The following BTNL9 variants were observed in gnomAD, a reference collection of about 807,000 sequenced individuals.
BTNL9 encodes butyrophilin like 9, also known as butyrophilin-like protein 9.
Under a neutral mutation model 45.8 loss-of-function variants are expected in BTNL9, and 45 were observed. The observed-to-expected ratio is 0.98, with a 90% CI of 0.77 to 1.26. BTNL9 has a LOEUF of 1.26. BTNL9 is among the 50% of genes most tolerant of loss of function. The pLI is 0.00. For missense variants in BTNL9, 784 were observed against 729.7 expected (o/e 1.07, Z -0.86); for synonymous variants, 346 against 330.8 (o/e 1.05, Z -0.50).
intron 10 of BTNL9, among the ~76,000 whole-genome samples, chr5:181,058,858 C>T (rs574175198): frequency 6.6e-6 from 1 of 151,834 alleles, no homozygotes; most frequent in Non-Finnish European, 1.5e-5. Flanking sequence ...AAATGACGCT[C>T]AGCGCTCTCC....
intron 6 of BTNL9, 181 bp from the exon 7 acceptor site, chr5:181,054,058 A>G: frequency 6.5e-7 from 1 of 1,545,846 alleles, no homozygotes; most frequent in Non-Finnish European, 8.7e-7. Flanking sequence ...AAGGGTGCGC[A>G]CTTCCCCATC....
At chr5:181,047,817 C>T (rs1349310775) in intron 2 of BTNL9, 110 bp from the exon 3 acceptor site, 30 of 1,035,994 alleles carry the variant, frequency 2.9e-5, no homozygotes, top group Non-Finnish European at 3.9e-5. Context: ...AGTATCTCAC[C>T]TTTCTTGTTT....
In BTNL9 at chr5:181,058,530, G is replaced by A. The variant is rs774456030; in HGVS notation, c.982+152G>A. The stretch of plus-strand genomic sequence containing the variant: ...GACACACACGCACACTTGCAAACAC[G>A]CCACACGACACATATGCCTGCATGT... On this transcript the variant is annotated intron_variant, in intron 10 of 10. Coordinates refer to ENST00000327705, the MANE Select transcript of BTNL9 (RefSeq NM_152547.5). 4.4e-5 allele frequency: 45 copies of A among 1,011,752 alleles called. No homozygotes were observed. The East Asian group carries it at 6.5e-4, about 15-fold the overall frequency. 62.7% of individuals were successfully genotyped at this position (1,011,752 alleles called of 1,614,324 possible).
rs1013618109 is a variant in BTNL9, at chr5:181,040,283, C to A, written c.-173C>A. 1.3e-5 allele frequency: 2 copies of A among 152,160 alleles called. No homozygotes were observed. Among genetic ancestry groups the A allele is most frequent in the Admixed American group, 1.3e-4 (2 of 15,282 alleles). The allele number at this position is 152,160 out of a possible 1,614,324, so 9.4% of individuals were successfully genotyped here. On this transcript the variant is annotated 5_prime_UTR_variant, in exon 1 of 11. Transcript: ENST00000327705. Reference sequence around the variant, plus strand: ...GGATAAATAATTCTGTCACACGTGCCCTGGCCTCTGGAGCTCAGCTGCCAG... The same window carrying A: ...GGATAAATAATTCTGTCACACGTGCACTGGCCTCTGGAGCTCAGCTGCCAG...
intron 1 of BTNL9, among the ~76,000 whole-genome samples, chr5:181,044,629 A>G (rs1023789077): frequency 3.3e-5 from 5 of 152,192 alleles, no homozygotes; most frequent in Non-Finnish European, 5.9e-5. Context: ...AACTAAATGC[A>G]AGAGAAATAT....
At chr5:181,047,878 T>G in intron 2 of BTNL9, 49 bp from the exon 3 acceptor site, 1 of 1,524,716 alleles carries the variant, frequency 6.6e-7, no homozygotes. Context: ...ATAACTTTTT[T>G]AAAAATTGGA....
At chr5:181,047,806 G>C (rs1459678746) in intron 2 of BTNL9, 121 bp from the exon 3 acceptor site, 19 of 915,340 alleles carry the variant, frequency 2.1e-5, no homozygotes, top group Non-Finnish European at 3.1e-5. Context: ...TTGTCCTGTA[G>C]AGTATCTCAC....
At position 181,053,740 on chromosome 5, in the gene BTNL9, C is replaced by G; in HGVS notation, c.886+239C>G. On this transcript the variant is annotated intron_variant, in intron 6 of 10. Transcript: ENST00000327705. This position sits in a 1 kb window ranked among gnomAD's most constrained non-coding sequence, Gnocchi z 6.5. ...CTAGTGCACAGATGTCAGGGTTGACCGGCTGCTGTCGTTACGCCCTCGGAG... is the reference window on the plus strand; with the variant it reads ...CTAGTGCACAGATGTCAGGGTTGACGGGCTGCTGTCGTTACGCCCTCGGAG... The G allele has an allele frequency of 6.6e-7, 1 of 1,511,984 alleles. No homozygotes were observed. The highest frequency in any genetic ancestry group is 1.3e-5 in the South Asian group (1 of 78,434). The allele number at this position is 1,511,984 out of a possible 1,614,324, so 93.7% of individuals were successfully genotyped here.
Position 181,047,943 on chromosome 5 carries a change from C to A in BTNL9, c.126C>A (p.Gly42=). ...GEPSSEVKVL[G]PEYPILALVG... The stretch of plus-strand genomic sequence containing the variant: ...TCATCCTAGAGGTCAAGGTGCTAGG[C>A]CCTGAGTATCCCATCCTGGCCCTCG... The change falls in exon 3 of 11, where the codon GGC becomes GGA. Residue 42 remains glycine (G), a synonymous_variant. Transcript: ENST00000327705. 6.2e-7 allele frequency: 1 copy of A among 1,613,702 alleles called. No individual in the cohort carries two copies. The highest frequency in any genetic ancestry group is 8.5e-7 in the Non-Finnish European group (1 of 1,179,924).
In BTNL9 at chr5:181,040,390, A is replaced by G. The variant is rs1760716004; in HGVS notation, c.-66A>G. 6.6e-6 allele frequency: 1 copy of G among 152,204 alleles called. No homozygotes were observed. Among genetic ancestry groups the G allele is most frequent in the African/African-American group, 2.4e-5 (1 of 41,434 alleles). The allele number at this position is 152,204 out of a possible 1,614,324, so 9.4% of individuals were successfully genotyped here. A position where few individuals can be genotyped will look rare whatever the true frequency, so the allele number is the denominator to read the frequency against. On this transcript the variant is annotated 5_prime_UTR_variant, in exon 1 of 11. Coordinates refer to ENST00000327705, the MANE Select transcript of BTNL9 (RefSeq NM_152547.5). ...CCTTTGCAGAGGAGGTGAGCTCACC[A>G]GGACTCATCTGCCATTTCAGACCTT...
rs1156435194 is a variant in BTNL9 at position 181,059,952 on chromosome 5, G to A, written c.*90G>A. 5.0e-6 allele frequency: 6 copies of A among 1,204,750 alleles called. No individual in the cohort carries two copies. The African/African-American group carries it at 9.2e-5, about 19-fold the overall frequency. The allele number at this position is 1,204,750 out of a possible 1,614,324, so 74.6% of individuals were successfully genotyped here. On this transcript the variant is annotated 3_prime_UTR_variant, in exon 11 of 11. Coordinates refer to ENST00000327705, the MANE Select transcript of BTNL9 (RefSeq NM_152547.5). ...CTCCTGCTCCGTCTGAAGGGAGCAG[G>A]TGCACCAGCCAAAATGTCAGCGAGG...
In BTNL9 at chr5:181,050,365, A is replaced by C; in HGVS notation, c.732A>C (p.Ile244=). 6.2e-7 allele frequency: 1 copy of C among 1,613,904 alleles called. No individual in the cohort carries two copies. The part of the protein sequence containing the change: ...LSQKKELVVQ[I]ADVFVPGASA... ...AGAAGAAAGAGTTGGTGGTCCAGAT[A>C]GCAGGTCAGTGGCTGTTAGCTCACA... The change falls in exon 4 of 11, where the codon ATA becomes ATC. Residue 244 remains isoleucine, a synonymous_variant. Transcript: ENST00000327705. The surrounding 1 kb of genome is among the most constrained non-coding windows in gnomAD (Gnocchi z 4.9).
intron 9 of BTNL9, 21 bp from the exon 10 acceptor site, chr5:181,058,331 C>T (rs1016302723): frequency 6.2e-7 from 1 of 1,613,892 alleles, no homozygotes; most frequent in African/African-American, 1.3e-5. Context: ...AGCTTTTTTC[C>T]CCTTTTCTGT....
chr5:181,055,568 G>T lies in BTNL9; in HGVS notation c.928+115G>T. Reference sequence around the variant, plus strand: ...GTGGATCACGAGGTCAGGAGATCGAGACCAGCCTGGCTAACACAGTGAAAC... The same window carrying T: ...GTGGATCACGAGGTCAGGAGATCGATACCAGCCTGGCTAACACAGTGAAAC... On this transcript the variant is annotated intron_variant, in intron 8 of 10. Transcript: ENST00000327705. The surrounding 1 kb of genome is among the most constrained non-coding windows in gnomAD (Gnocchi z 4.4). 8.3e-7 allele frequency: 1 copy of T among 1,209,756 alleles called. No homozygotes were observed. The highest frequency in any genetic ancestry group is 1.2e-5 in the South Asian group (1 of 82,530). The allele number at this position is 1,209,756 out of a possible 1,614,324, so 74.9% of individuals were successfully genotyped here. A position where few individuals can be genotyped will look rare whatever the true frequency, so the allele number is the denominator to read the frequency against.
chr5:181,056,125 C>T lies in BTNL9; in HGVS notation c.955+110C>T, dbSNP rs1761872231. 3 of 1,239,250 alleles carry T rather than the reference C, an allele frequency of 2.4e-6. No individual in the cohort carries two copies. In the South Asian group the frequency reaches 3.6e-5, roughly 15 times the overall value. 76.8% of individuals were successfully genotyped at this position (1,239,250 alleles called of 1,614,324 possible). A position where few individuals can be genotyped will look rare whatever the true frequency, so the allele number is the denominator to read the frequency against. ...TCATTCTGGTTGCATTCCGTGGCCT[C>T]ACACAGCATGTGTTAATCTATGTCA... On this transcript the variant is annotated intron_variant, in intron 9 of 10. Coordinates refer to ENST00000327705, the MANE Select transcript of BTNL9 (RefSeq NM_152547.5).
At position 181,059,879 on chromosome 5, in the gene BTNL9, C is replaced by G; in HGVS notation, c.*17C>G. The stretch of plus-strand genomic sequence containing the variant: ...TGGTGGTGAGGCGCCCTCGTGGCCG[C>G]GGGACTGGCCCCGGGGGGCCCCCTG... On this transcript the variant is annotated 3_prime_UTR_variant, in exon 11 of 11. Transcript: ENST00000327705. 1 of 1,484,480 alleles carries G rather than the reference C, an allele frequency of 6.7e-7. No individual in the cohort carries two copies. The highest frequency in any genetic ancestry group is 8.9e-7 in the Non-Finnish European group (1 of 1,124,174). 92.0% of individuals were successfully genotyped at this position (1,484,480 alleles called of 1,614,324 possible).
Position 181,059,968 on chromosome 5 carries a change from G to C in BTNL9, c.*106G>C. 9.8e-7 allele frequency: 1 copy of C among 1,024,934 alleles called. No homozygotes were observed. The highest frequency in any genetic ancestry group is 1.4e-6 in the Non-Finnish European group (1 of 724,656). 63.5% of individuals were successfully genotyped at this position (1,024,934 alleles called of 1,614,324 possible). A position where few individuals can be genotyped will look rare whatever the true frequency, so the allele number is the denominator to read the frequency against. On this transcript the variant is annotated 3_prime_UTR_variant, in exon 11 of 11. Coordinates refer to ENST00000327705, the MANE Select transcript of BTNL9 (RefSeq NM_152547.5). The stretch of plus-strand genomic sequence containing the variant: ...AGGGAGCAGGTGCACCAGCCAAAAT[G>C]TCAGCGAGGGGGACAAAGAGAGGGA...
Position 181,058,345 on chromosome 5 carries a change from G to T in BTNL9, c.956-7G>T. On this transcript the variant is annotated splice_region_variant and splice_polypyrimidine_tract_variant and intron_variant, in intron 9 of 10. Transcript: ENST00000327705. ...GAGCTTTTTTCCCCTTTTCTGTTTG[G>T]TTTCAGAGTGGAGAGCAGCCCAAAA... The T allele has an allele frequency of 1.2e-6, 2 of 1,614,116 alleles. No individual in the cohort carries two copies. The highest frequency in any genetic ancestry group is 1.7e-6 in the Non-Finnish European group (2 of 1,179,994).
intron 7 of BTNL9, 54 bp downstream of exon 7, chr5:181,054,313 G>T: frequency 1.2e-6 from 2 of 1,602,032 alleles, no homozygotes; most frequent in Non-Finnish European, 8.5e-7. Flanking sequence ...CCCTGTGCCT[G>T]TGCAGTGGGA....
Sources: allele counts gnomAD v4.1 joint callset (sites outside exome capture counted in the v4.1 genomes callset), GRCh38; gene constraint gnomAD v4.1.1; non-coding constraint Gnocchi (gnomAD v3.1); transcripts MANE v1.5; gene names NCBI Gene and HGNC (gene_info 2026-07-23, HGNC 2026-07-21).